The following ADGRE1 variants were observed in gnomAD, a reference collection of about 807,000 sequenced individuals.
ADGRE1 encodes adhesion G protein-coupled receptor E1.
Under a neutral mutation model 102.7 loss-of-function variants are expected in ADGRE1, and 82 were observed. The observed-to-expected ratio is 0.80, with a 90% CI of 0.67 to 0.96. ADGRE1 has a LOEUF of 0.96. Ranked by LOEUF, ADGRE1 falls within the 40% of genes least tolerant of loss-of-function variation. The probability of loss-of-function intolerance (pLI) is 0.00; values close to 1 mark genes in which losing one functional copy is unlikely to be tolerated. For missense variants in ADGRE1, 1,032 were observed against 1,085.3 expected (o/e 0.95, Z 0.69); for synonymous variants, 398 against 399.6 (o/e 1.00, Z 0.05).
intron 5 of ADGRE1, chr19:6,898,750 A>C (rs369003639): frequency 2.2e-5 from 14 of 626,328 alleles, no homozygotes; most frequent in Non-Finnish European, 3.5e-5. Flanking sequence ...CTGGAAGACC[A>C]TATGAGAAAG....
intron 20 of ADGRE1, among the ~76,000 whole-genome samples, chr19:6,938,163 C>T (rs1975509825): frequency 6.6e-6 from 1 of 151,798 alleles, no homozygotes; most frequent in South Asian, 2.1e-4. Context: ...ATGGCAAAAC[C>T]CCCATCTCTA....
Position 6,896,497 on chromosome 19 carries a change from G to C in ADGRE1, c.194G>C (p.Ser65Thr). The C allele has an allele frequency of 6.2e-7, 1 of 1,614,104 alleles. No individual in the cohort carries two copies. Among genetic ancestry groups the C allele is most frequent in the East Asian group, 2.2e-5 (1 of 44,884 alleles). Reference protein sequence around the residue: ...YCACKQGFLSSNGQNHFKDPG... With the variant: ...YCACKQGFLSTNGQNHFKDPG... Reference sequence around the variant, plus strand: ...GCTTGCAAACAAGGCTTCCTGTCCAGCAATGGGCAAAATCACTTCAAGGAT... The same window carrying C: ...GCTTGCAAACAAGGCTTCCTGTCCACCAATGGGCAAAATCACTTCAAGGAT... Residue 65 changes from serine to threonine, a missense_variant, in exon 3 of 21, where the codon AGC becomes ACC. Coordinates refer to ENST00000312053, the MANE Select transcript of ADGRE1 (RefSeq NM_001974.5).
intron 3 of ADGRE1, 89 bp from the exon 4 acceptor site, chr19:6,897,060 T>C: frequency 7.6e-7 from 1 of 1,320,088 alleles, no homozygotes; most frequent in Non-Finnish European, 1.0e-6. Flanking sequence ...GGATGGGAGA[T>C]ATTGTTTTAA....
chr19:6,896,759 C>A, intron 3 of ADGRE1: 1 of 546,554 alleles, frequency 1.8e-6, no homozygotes. Context: ...GTGTTGCTAG[C>A]AAACATGATT....
At chr19:6,916,485 A>G in intron 12 of ADGRE1, 117 bp downstream of exon 12, 1 of 1,329,682 alleles carries the variant, frequency 7.5e-7, no homozygotes, top group Non-Finnish European at 1.0e-6. Flanking sequence ...GAGGGTAGAA[A>G]TGGTCCATGC....
At chr19:6,938,337 CA>C (rs1197035886) in intron 20 of ADGRE1, among the ~76,000 whole-genome samples, 4 of 87,692 alleles carry the variant, frequency 4.6e-5, no homozygotes, top group East Asian at 6.4e-4. Context: ...AACTCCATCT[CA>C]AAAAAAAATT....
chr19:6,919,225 G>T (rs1235543685), intron 12 of ADGRE1, among the ~76,000 whole-genome samples: 1 of 151,418 alleles, frequency 6.6e-6, no homozygotes, highest in Non-Finnish European at 1.5e-5. Flanking sequence ...TAGAAACGGG[G>T]TTTCACCATG....
intron 2 of ADGRE1, among the ~76,000 whole-genome samples, chr19:6,891,767 A>T (rs1015783357): frequency 6.6e-6 from 1 of 152,040 alleles, no homozygotes; most frequent in Non-Finnish European, 1.5e-5. Flanking sequence ...GGACTTTTTC[A>T]AAAGGGCTTT....
At chr19:6,891,004 A>T (rs1197917114) in intron 2 of ADGRE1, 1 of 153,748 alleles carries the variant, frequency 6.5e-6, no homozygotes, top group East Asian at 1.9e-4. Flanking sequence ...GAAGAAAGAC[A>T]TTGTCAGTTC....
chr19:6,890,445 G>GT, intron 1 of ADGRE1, 36 bp from the exon 2 acceptor site: 1 of 347,644 alleles, frequency 2.9e-6, no homozygotes, highest in Non-Finnish European at 4.2e-6. Context: ...TTTTTTTTTT[G>GT]GTGGTTCATG....
intron 18 of ADGRE1, among the ~76,000 whole-genome samples, chr19:6,936,838 G>A (rs1185748088): frequency 2.0e-5 from 3 of 152,100 alleles, no homozygotes; most frequent in Admixed American, 2.0e-4. Context: ...AACCAGGCTG[G>A]GCTCGAACTC....
intron 13 of ADGRE1, 151 bp downstream of exon 13, chr19:6,919,898 C>A: frequency 7.0e-6 from 5 of 714,482 alleles, no homozygotes; most frequent in Non-Finnish European, 1.1e-5. Context: ...CAGAAGCTAC[C>A]GCTAGAGGAA....
chr19:6,919,475 TG>T, intron 12 of ADGRE1, 72 bp from the exon 13 acceptor site: 10 of 871,656 alleles, frequency 1.1e-5, no homozygotes, highest in Admixed American at 1.9e-5. Flanking sequence ...TGTGTGTGTG[TG>T]TGTGTTGGGT....
chr19:6,917,842 G>T (rs994644114), intron 12 of ADGRE1, among the ~76,000 whole-genome samples: 32 of 152,082 alleles, frequency 2.1e-4, no homozygotes, highest in African/African-American at 7.7e-4. Flanking sequence ...GTATACAGCA[G>T]GATGATCTGA....
chr19:6,935,932 T>C (rs1243788057), intron 18 of ADGRE1, among the ~76,000 whole-genome samples: 1 of 152,232 alleles, frequency 6.6e-6, no homozygotes, highest in Non-Finnish European at 1.5e-5. Flanking sequence ...TTGTTATACA[T>C]ATTTTATATT....
intron 12 of ADGRE1, among the ~76,000 whole-genome samples, chr19:6,917,050 A>AC (rs1974414701): frequency 2.0e-5 from 3 of 152,194 alleles, no homozygotes; most frequent in Non-Finnish European, 4.4e-5. Context: ...TAAGCATTGC[A>AC]ATTAATACAG....
chr19:6,940,140 A>G lies in ADGRE1; in HGVS notation c.*111A>G. Reference sequence around the variant, plus strand: ...AGCTTAACATGGAAATGAGGATCCCACCAGCCCCAGAACCCTCTGGGGAAG... The same window carrying G: ...AGCTTAACATGGAAATGAGGATCCCGCCAGCCCCAGAACCCTCTGGGGAAG... On this transcript the variant is annotated 3_prime_UTR_variant, in exon 21 of 21. Coordinates refer to ENST00000312053, the MANE Select transcript of ADGRE1 (RefSeq NM_001974.5). 1 of 1,296,560 alleles carries G rather than the reference A, an allele frequency of 7.7e-7. No individual in the cohort carries two copies. Among genetic ancestry groups the G allele is most frequent in the Non-Finnish European group, 1.1e-6 (1 of 911,884 alleles). 80.3% of individuals were successfully genotyped at this position (1,296,560 alleles called of 1,614,324 possible).
chr19:6,901,857 TTC>T lies in ADGRE1; in HGVS notation c.515-14_515-13del, dbSNP rs1290911519. The stretch of plus-strand genomic sequence containing the variant: ...TTTCTCATTTACCTTGACCTGGGTT[TTC>T]TCTTCCACTCTTCAGACGTGGATGA... On this transcript the variant is annotated splice_polypyrimidine_tract_variant and intron_variant, in intron 5 of 20. Coordinates refer to ENST00000312053, the MANE Select transcript of ADGRE1 (RefSeq NM_001974.5). 1 of 1,612,840 alleles carries T rather than the reference TTC, an allele frequency of 6.2e-7. No individual in the cohort carries two copies. The highest frequency in any genetic ancestry group is 2.2e-5 in the East Asian group (1 of 44,848).
chr19:6,939,782 G>T (rs1975596001), intron 20 of ADGRE1, among the ~76,000 whole-genome samples: 1 of 152,168 alleles, frequency 6.6e-6, no homozygotes, highest in African/African-American at 2.4e-5. Context: ...TGAACCAACA[G>T]CTGTTTGGCT....
Sources: gnomAD v4.1 joint callset for allele counts (sites outside exome capture counted in the v4.1 genomes callset) on GRCh38, gnomAD v4.1.1 for gene constraint, MANE v1.5 for transcripts, NCBI Gene and HGNC (gene_info 2026-07-23, HGNC 2026-07-21) for gene names.